ESRP1: variants seen among roughly 807,000 people sequenced by gnomAD.
ESRP1 encodes epithelial splicing regulatory protein 1, also known as RNA-binding motif protein 35A.
A neutral mutation model predicts 81.7 loss-of-function variants in ESRP1; 33 were observed. The ratio of observed to expected loss-of-function variants is 0.40; its 90% CI spans 0.31 to 0.54. The LOEUF is 0.54. Ranked by LOEUF, ESRP1 falls within the 20% of genes least tolerant of loss-of-function variation. The pLI, the probability that ESRP1 is intolerant of heterozygous loss-of-function variation, is 0.41. For missense variants in ESRP1, 672 were observed against 833.1 expected, an observed-to-expected ratio of 0.81 and a Z score of 2.38; for synonymous variants, 320 against 303.3, an observed-to-expected ratio of 1.06 and a Z score of -0.57.
intron 13 of ESRP1, among the ~76,000 whole-genome samples, chr8:94,683,895 A>G (rs1373650088): frequency 1.3e-5 from 2 of 152,140 alleles, no homozygotes; most frequent in African/African-American, 2.4e-5. Context: ...TGCTAATGTA[A>G]AAACTTCAAT....
At chr8:94,679,952 ATAATT>A (rs571727362) in intron 13 of ESRP1, among the ~76,000 whole-genome samples, 131 of 152,284 alleles carry the variant, frequency 8.6e-4, no homozygotes, top group African/African-American at 2.9e-3. Context: ...GAGTAAAAAT[ATAATT>A]TAAGTTTATT....
intron 2 of ESRP1, 27 bp from the exon 3 acceptor site, chr8:94,643,276 A>G (rs1485569355): frequency 1.4e-6 from 2 of 1,458,450 alleles, no homozygotes; most frequent in Admixed American, 1.7e-5. Context: ...CATCAGTTGC[A>G]TCCCTATGTG....
chr8:94,641,795 G>C (rs1444905527), intron 1 of ESRP1, 161 bp from the exon 2 acceptor site: 7 of 1,093,612 alleles, frequency 6.4e-6, no homozygotes, highest in Non-Finnish European at 8.6e-6. Context: ...GTGGGGCGGG[G>C]GGCAGGAACG....
intron 3 of ESRP1, among the ~76,000 whole-genome samples, chr8:94,644,658 GCTGTTTTCAT>G (rs1208219723): frequency 1.3e-5 from 2 of 152,158 alleles, no homozygotes; most frequent in Non-Finnish European, 2.9e-5. Context: ...GAGGAAAATA[GCTGTTTTCAT>G]TATTTAGGTG....
At chr8:94,657,326 C>T (rs748469472) in intron 4 of ESRP1, among the ~76,000 whole-genome samples, 20 of 152,174 alleles carry the variant, frequency 1.3e-4, no homozygotes, top group Non-Finnish European at 2.4e-4. Context: ...CAAGATCAGA[C>T]GTGCAGCAAG....
chr8:94,646,213 A>G lies in ESRP1; in HGVS notation c.421A>G (p.Lys141Glu). 1 of 1,612,936 alleles carries G rather than the reference A, an allele frequency of 6.2e-7. No individual in the cohort carries two copies. The highest frequency in any genetic ancestry group is 8.5e-7 in the Non-Finnish European group (1 of 1,179,310). ...CTTCTATTCCTTTTTTGATCTTCGA[A>G]AAGAATTCAAGAAATGTTGCCCTGG... ...ECFYSFFDLR[K>E]EFKKCCPGSP... Residue 141 changes from lysine (K) to glutamate (E), a missense_variant, in exon 4 of 16, where the codon AAA becomes GAA. Lys to Glu is a moderately conservative substitution (Grantham distance 56). Coordinates refer to ENST00000433389, the MANE Select transcript of ESRP1 (RefSeq NM_017697.4).
chr8:94,692,624 A>G, intron 13 of ESRP1, 53 bp from the exon 14 acceptor site: 2 of 1,537,394 alleles, frequency 1.3e-6, no homozygotes, highest in African/African-American at 2.8e-5. Flanking sequence ...TTTTATAGTA[A>G]GTATTCAACA....
At chr8:94,676,222 G>T (rs1819578466) in intron 12 of ESRP1, among the ~76,000 whole-genome samples, 1 of 151,940 alleles carries the variant, frequency 6.6e-6, no homozygotes, top group South Asian at 2.1e-4. Context: ...ATTGCCGGGA[G>T]TGGTGGCGCA....
intron 15 of ESRP1, among the ~76,000 whole-genome samples, chr8:94,704,880 C>G (rs993600400): frequency 6.7e-6 from 1 of 150,286 alleles, no homozygotes; most frequent in African/African-American, 2.4e-5. Context: ...ATATATAATG[C>G]CTACTAAAAG....
At chr8:94,644,141 C>A (rs1200856362) in intron 3 of ESRP1, among the ~76,000 whole-genome samples, 1 of 152,164 alleles carries the variant, frequency 6.6e-6, no homozygotes, top group Non-Finnish European at 1.5e-5. Context: ...AATGTGATTT[C>A]TCTCCCTGGG....
chr8:94,688,731 C>T (rs897453676), intron 13 of ESRP1: 1 of 164,048 alleles, frequency 6.1e-6, no homozygotes, highest in Non-Finnish European at 1.3e-5. Context: ...TATGCCTCTC[C>T]TTATGCTAGT....
intron 12 of ESRP1, 86 bp from the exon 13 acceptor site, chr8:94,678,117 T>C: frequency 7.2e-7 from 1 of 1,396,510 alleles, no homozygotes; most frequent in Non-Finnish European, 9.9e-7. Flanking sequence ...AATGTGTAGA[T>C]GGAACAGTGA....
intron 14 of ESRP1, 101 bp from the exon 15 acceptor site, chr8:94,696,751 A>C: frequency 2.3e-6 from 2 of 856,554 alleles, no homozygotes; most frequent in Non-Finnish European, 1.8e-6. Flanking sequence ...CTCCTATCTA[A>C]ATGTCCTATA....
chr8:94,684,405 A>T (rs1279825430), intron 13 of ESRP1, among the ~76,000 whole-genome samples: 1 of 152,232 alleles, frequency 6.6e-6, no homozygotes, highest in Non-Finnish European at 1.5e-5. Flanking sequence ...TATTAAATCC[A>T]TGAAGAATCT....
At chr8:94,643,850 C>T (rs976761959) in intron 3 of ESRP1, among the ~76,000 whole-genome samples, 2 of 152,100 alleles carry the variant, frequency 1.3e-5, no homozygotes, top group African/African-American at 2.4e-5. Flanking sequence ...ATAATATCCT[C>T]ATTTGTGTTG....
At chr8:94,693,014 C>T (rs1289850272) in intron 14 of ESRP1, among the ~76,000 whole-genome samples, 187 bp downstream of exon 14, 2 of 129,020 alleles carry the variant, frequency 1.6e-5, no homozygotes, top group African/African-American at 5.8e-5. Context: ...ATCCCCTTGT[C>T]AGAAATTAAG....
chr8:94,689,781 G>A (rs1185764084), intron 13 of ESRP1, among the ~76,000 whole-genome samples: 2 of 141,394 alleles, frequency 1.4e-5, no homozygotes, highest in Non-Finnish European at 3.0e-5. Context: ...CCAAGCAGCT[G>A]GAATCACAGG....
intron 14 of ESRP1, among the ~76,000 whole-genome samples, chr8:94,694,022 A>G (rs1434833297): frequency 6.6e-6 from 1 of 152,218 alleles, no homozygotes; most frequent in African/African-American, 2.4e-5. Flanking sequence ...GGGGTTAAAA[A>G]GTTACTTTTT....
At chr8:94,692,641 A>T (rs867834785) in intron 13 of ESRP1, 36 bp from the exon 14 acceptor site, 26 of 1,603,366 alleles carry the variant, frequency 1.6e-5, no homozygotes, top group Non-Finnish European at 2.0e-5. Context: ...AACATTGTCT[A>T]TTCCTATTGG....
Sources: gnomAD v4.1 joint callset for allele counts (sites outside exome capture counted in the v4.1 genomes callset) on GRCh38, gnomAD v4.1.1 for gene constraint, MANE v1.5 for transcripts, NCBI Gene and HGNC (gene_info 2026-07-23, HGNC 2026-07-21) for gene names.